PEPD: variants seen among roughly 807,000 people sequenced by gnomAD.
PEPD encodes peptidase D, also known as xaa-Pro dipeptidase.
PEPD carries 53 observed loss-of-function variants against 60.7 expected under a neutral mutation model. The ratio of observed to expected loss-of-function variants is 0.87; its 90% CI spans 0.70 to 1.10. The LOEUF (loss-of-function observed/expected upper bound fraction) is 1.10, where lower values mean the gene tolerates loss of function less well. PEPD is among the 50% of genes least tolerant of loss of function. The pLI, the probability that PEPD is intolerant of heterozygous loss-of-function variation, is 0.00. For missense variants in PEPD, 711 were observed against 711.9 expected (o/e 1.00, Z 0.01); for synonymous variants, 267 against 284.1 (o/e 0.94, Z 0.60).
At chr19:33,497,023 CT>C (rs1345917213) in intron 4 of PEPD, among the ~76,000 whole-genome samples, 1 of 152,284 alleles carries the variant, frequency 6.6e-6, no homozygotes, top group Admixed American at 6.5e-5. Flanking sequence ...AATAAACCTT[CT>C]TTCGTGGCAT....
At chr19:33,403,416 G>C (rs1164822699) in intron 11 of PEPD, among the ~76,000 whole-genome samples, 1 of 152,212 alleles carries the variant, frequency 6.6e-6, no homozygotes, top group Non-Finnish European at 1.5e-5. Flanking sequence ...GGGTCCATCT[G>C]TAGCTGGGTG....
chr19:33,394,618 C>T (rs1015872813), intron 12 of PEPD, among the ~76,000 whole-genome samples: 4 of 152,358 alleles, frequency 2.6e-5, no homozygotes, highest in South Asian at 2.1e-4. Flanking sequence ...GTGAGGGTCA[C>T]TGTCCTTGCA....
intron 12 of PEPD, among the ~76,000 whole-genome samples, chr19:33,397,815 C>G (rs73584398): frequency 0.011 from 1,630 of 152,348 alleles, 31 homozygotes; most frequent in African/African-American, 0.036. Context: ...CCCCAAGAGT[C>G]AGCATGAACC....
intron 14 of PEPD, 181 bp downstream of exon 14, chr19:33,387,709 T>A: frequency 1.3e-6 from 1 of 760,840 alleles, no homozygotes; most frequent in South Asian, 1.6e-5. Context: ...TTTTGCAGGA[T>A]CTCTGTCTGT....
At chr19:33,511,508 G>GC (rs1568511293) in intron 2 of PEPD, 2 of 354,776 alleles carry the variant, frequency 5.6e-6, no homozygotes, top group African/African-American at 2.1e-5. Context: ...CAGGCAAGAC[G>GC]CCCCCCGGAT....
intron 6 of PEPD, among the ~76,000 whole-genome samples, chr19:33,483,642 T>A (rs950641495): frequency 6.6e-6 from 1 of 152,142 alleles, no homozygotes; most frequent in Non-Finnish European, 1.5e-5. Context: ...AGACTTTGTC[T>A]CTACAAAAAA....
At chr19:33,434,826 C>T (rs1219548339) in intron 9 of PEPD, among the ~76,000 whole-genome samples, 1 of 151,900 alleles carries the variant, frequency 6.6e-6, no homozygotes, top group Non-Finnish European at 1.5e-5. Flanking sequence ...TGGCACATCA[C>T]ACATACGGTC....
intron 6 of PEPD, among the ~76,000 whole-genome samples, chr19:33,479,215 T>C (rs1600148110): frequency 6.7e-6 from 1 of 149,014 alleles, no homozygotes; most frequent in Non-Finnish European, 1.5e-5. Context: ...GAAAAGGAAA[T>C]GAGAAACCAA....
intron 9 of PEPD, among the ~76,000 whole-genome samples, chr19:33,420,939 C>T (rs1362680518): frequency 6.6e-6 from 1 of 152,116 alleles, no homozygotes; most frequent in Non-Finnish European, 1.5e-5. Flanking sequence ...TTTTTAACTT[C>T]ATGTAAATGG....
At chr19:33,422,701 C>T (rs1260457425) in intron 9 of PEPD, among the ~76,000 whole-genome samples, 2 of 151,592 alleles carry the variant, frequency 1.3e-5, no homozygotes, top group Non-Finnish European at 2.9e-5. Flanking sequence ...TTCCATCTAC[C>T]ATCCATCTAC....
chr19:33,404,493 G>T (rs1052966434), intron 11 of PEPD, among the ~76,000 whole-genome samples: 1 of 152,116 alleles, frequency 6.6e-6, no homozygotes, highest in African/African-American at 2.4e-5. Flanking sequence ...AAGCCCACAA[G>T]AATACCCCGA....
At chr19:33,426,880 G>A (rs1322452759) in intron 9 of PEPD, among the ~76,000 whole-genome samples, 3 of 152,346 alleles carry the variant, frequency 2.0e-5, no homozygotes, top group East Asian at 1.9e-4. Context: ...GGCCCAGGAC[G>A]CAGCGAAATG....
intron 11 of PEPD, among the ~76,000 whole-genome samples, chr19:33,404,860 G>C (rs1369917850): frequency 6.6e-6 from 1 of 152,120 alleles, no homozygotes; most frequent in African/African-American, 2.4e-5. Flanking sequence ...AAGTTATTCA[G>C]ATGCAAGCTT....
At chr19:33,482,254 A>AT (rs774857915) in intron 6 of PEPD, among the ~76,000 whole-genome samples, 6 of 152,336 alleles carry the variant, frequency 3.9e-5, no homozygotes, top group Admixed American at 1.3e-4. Flanking sequence ...ACCAAGTGGG[A>AT]TTTTTTCCCA....
At chr19:33,438,177 G>T (rs1969416867) in intron 9 of PEPD, among the ~76,000 whole-genome samples, 1 of 152,196 alleles carries the variant, frequency 6.6e-6, no homozygotes. Context: ...CAGGGTGCTG[G>T]GTTTCTAGCA....
At chr19:33,451,883 T>C (rs1478717278) in intron 9 of PEPD, among the ~76,000 whole-genome samples, 1 of 152,144 alleles carries the variant, frequency 6.6e-6, no homozygotes, top group Admixed American at 6.5e-5. Flanking sequence ...CAATTTATCA[T>C]GGAAATGAGT....
intron 9 of PEPD, among the ~76,000 whole-genome samples, chr19:33,454,318 G>C (rs753529098): frequency 2.0e-5 from 3 of 152,090 alleles, no homozygotes; most frequent in Non-Finnish European, 2.9e-5. Context: ...TTTTAAAAAA[G>C]AGGCCAGGCG....
At chr19:33,453,172 G>C (rs1488293602) in intron 9 of PEPD, among the ~76,000 whole-genome samples, 1 of 152,120 alleles carries the variant, frequency 6.6e-6, no homozygotes, top group Non-Finnish European at 1.5e-5. Context: ...AAATTAGCCA[G>C]GCATGGTGGC....
chr19:33,434,964 G>A (rs146411656), intron 9 of PEPD, among the ~76,000 whole-genome samples: 1 of 152,298 alleles, frequency 6.6e-6, no homozygotes, highest in East Asian at 1.9e-4. Flanking sequence ...CGGCCTGGAG[G>A]GAAGGCAGCT....
Sources: gnomAD v4.1 joint callset for allele counts (sites outside exome capture counted in the v4.1 genomes callset) on GRCh38, gnomAD v4.1.1 for gene constraint, MANE v1.5 for transcripts, NCBI Gene and HGNC (gene_info 2026-07-23, HGNC 2026-07-21) for gene names.